The following ACOT7 variants were observed in gnomAD, a reference collection of about 807,000 sequenced individuals.
ACOT7 encodes cytosolic acyl coenzyme A thioester hydrolase.
A neutral mutation model predicts 40.2 loss-of-function variants in ACOT7; 12 were observed. The ratio of observed to expected loss-of-function variants is 0.30; its 90% CI spans 0.19 to 0.48. The LOEUF (loss-of-function observed/expected upper bound fraction) is 0.48. Among genes scored for constraint, ACOT7 ranks in the 20% least tolerant of loss-of-function variants. The pLI is 0.99. For synonymous variants in ACOT7, 228 were observed against 219.5 expected (o/e 1.04, Z -0.34); for missense variants, 395 against 530.8 (o/e 0.74, Z 2.51).
intron 1 of ACOT7, among the ~76,000 whole-genome samples, chr1:6,392,817 A>G (rs1642554365): frequency 6.6e-6 from 1 of 152,100 alleles, no homozygotes; most frequent in Non-Finnish European, 1.5e-5. Flanking sequence ...TTAGCGCAGC[A>G]CAACCGCCGA....
At chr1:6,369,020 T>C (rs1313950417) in intron 1 of ACOT7, among the ~76,000 whole-genome samples, 3 of 152,202 alleles carry the variant, frequency 2.0e-5, no homozygotes, top group African/African-American at 7.2e-5. Flanking sequence ...TTTGCTCTGT[T>C]GCCCAGGCTG....
At chr1:6,322,466 G>A (rs550094922) in intron 5 of ACOT7, among the ~76,000 whole-genome samples, 47 of 152,346 alleles carry the variant, frequency 3.1e-4, no homozygotes, top group Non-Finnish European at 5.1e-4. Context: ...TGCTGGGGCC[G>A]CTGTAACAAG....
intron 5 of ACOT7, among the ~76,000 whole-genome samples, chr1:6,320,444 T>A (rs1640613174): frequency 6.6e-6 from 1 of 152,130 alleles, no homozygotes; most frequent in Admixed American, 6.5e-5. Context: ...AAAGTCCAAA[T>A]CAGGCTTTCC....
At chr1:6,268,377 C>T (rs1406077805) in intron 8 of ACOT7, among the ~76,000 whole-genome samples, 2 of 152,182 alleles carry the variant, frequency 1.3e-5, no homozygotes, top group East Asian at 1.9e-4. Context: ...TTTACTTTTG[C>T]GTATATTTGA....
intron 4 of ACOT7, among the ~76,000 whole-genome samples, chr1:6,331,359 C>T (rs546371028): frequency 7.2e-5 from 11 of 152,202 alleles, no homozygotes; most frequent in Non-Finnish European, 1.2e-4. Context: ...GCAGGCCGTG[C>T]GAAGATGGAG....
intron 1 of ACOT7, among the ~76,000 whole-genome samples, chr1:6,365,873 G>A (rs562638976): frequency 1.3e-5 from 2 of 151,914 alleles, no homozygotes; most frequent in East Asian, 3.9e-4. Flanking sequence ...GTTGATGGCT[G>A]CAGACTGATT....
At chr1:6,285,349 C>CAA (rs1639472777) in intron 7 of ACOT7, among the ~76,000 whole-genome samples, 1 of 152,238 alleles carries the variant, frequency 6.6e-6, no homozygotes, top group Non-Finnish European at 1.5e-5. Flanking sequence ...TACTTCCTTC[C>CAA]AGTCTCAACT....
At chr1:6,353,087 C>A (rs1205441505) in intron 1 of ACOT7, among the ~76,000 whole-genome samples, 1 of 152,034 alleles carries the variant, frequency 6.6e-6, no homozygotes, top group Non-Finnish European at 1.5e-5. Flanking sequence ...CCATGTTGCC[C>A]AGGCTGTCTC....
At position 6,269,029 on chromosome 1, in the gene ACOT7, C is replaced by T. The variant is rs138754438; in HGVS notation, c.1015-4334G>A. 9.5e-3 allele frequency among the ~76,000 whole-genome samples: 1,441 copies of T among 152,322 alleles called. 12 individuals are homozygous for T. Among genetic ancestry groups the T allele is most frequent in the Non-Finnish European group, 0.014 (981 of 68,024 alleles). ...TACAGCGATAAGGGGATATTCCCTGCGCAACCCATGCTTAGGGCGCGGCAG... is the reference window on the plus strand; with the variant it reads ...TACAGCGATAAGGGGATATTCCCTGTGCAACCCATGCTTAGGGCGCGGCAG... On this transcript the variant is annotated intron_variant, in intron 8 of 8. Coordinates refer to ENST00000361521, the MANE Select transcript of ACOT7 (RefSeq NM_007274.4).
chr1:6,269,354 G>A (rs188459493), intron 8 of ACOT7, among the ~76,000 whole-genome samples: 1 of 152,330 alleles, frequency 6.6e-6, no homozygotes, highest in East Asian at 1.9e-4. Context: ...CCTCACCCCG[G>A]CCCTCGGCAC....
intron 2 of ACOT7, among the ~76,000 whole-genome samples, chr1:6,345,624 G>A (rs1557661044): frequency 6.6e-6 from 1 of 152,220 alleles, no homozygotes; most frequent in Admixed American, 6.5e-5. Flanking sequence ...TCAAGTGCGT[G>A]GACCATGCCC....
chr1:6,308,541 A>C (rs1640235620), intron 6 of ACOT7, among the ~76,000 whole-genome samples: 1 of 151,796 alleles, frequency 6.6e-6, no homozygotes, highest in Non-Finnish European at 1.5e-5. Flanking sequence ...AACAGGCAGA[A>C]GGAACAGCCA....
intron 1 of ACOT7, among the ~76,000 whole-genome samples, chr1:6,375,753 G>C (rs1415512501): frequency 2.0e-5 from 3 of 150,250 alleles, no homozygotes; most frequent in Non-Finnish European, 4.4e-5. Flanking sequence ...TGGTTAACAC[G>C]GTGAAACCCC....
rs536183442 is a variant in ACOT7, at chr1:6,352,002, G to T, written c.144-2136C>A. ...CTGTGCCATCAGGAGTACATGCCAGGAACTGCAGACCGCACGCCAGCTGGC... is the reference window on the plus strand; with the variant it reads ...CTGTGCCATCAGGAGTACATGCCAGTAACTGCAGACCGCACGCCAGCTGGC... On this transcript the variant is annotated intron_variant, in intron 1 of 8. Transcript: ENST00000361521. This position sits in a 1 kb window ranked among gnomAD's most constrained non-coding sequence, Gnocchi z 4.5. 6.6e-6 allele frequency among the ~76,000 whole-genome samples: 1 copy of T among 152,306 alleles called. No individual in the cohort carries two copies. The highest frequency in any genetic ancestry group is 2.1e-4 in the South Asian group (1 of 4,832).
intron 1 of ACOT7, among the ~76,000 whole-genome samples, chr1:6,385,018 T>A (rs1394142600): frequency 6.6e-6 from 1 of 152,020 alleles, no homozygotes; most frequent in Admixed American, 6.5e-5. Context: ...AAATAAAGTA[T>A]GCAAAAGCCA....
At chr1:6,313,750 G>A (rs1002314737) in intron 6 of ACOT7, among the ~76,000 whole-genome samples, 8 of 152,126 alleles carry the variant, frequency 5.3e-5, no homozygotes, top group Non-Finnish European at 1.2e-4. Context: ...CAGAAGCCTG[G>A]GTCCCCAGCA....
intron 6 of ACOT7, among the ~76,000 whole-genome samples, chr1:6,317,731 T>TTC (rs1553158260): frequency 2.0e-5 from 3 of 150,232 alleles, no homozygotes; most frequent in African/African-American, 7.3e-5. Context: ...AGTCTTTCTT[T>TTC]TTTTTTTTTT....
At chr1:6,265,582 G>A (rs189123939) in intron 8 of ACOT7, among the ~76,000 whole-genome samples, 5 of 149,240 alleles carry the variant, frequency 3.4e-5, no homozygotes, top group East Asian at 3.9e-4. Context: ...GCCTGTCGAC[G>A]GGCTGCGATT....
chr1:6,278,862 G>A lies in ACOT7; in HGVS notation c.1014+2240C>T, dbSNP rs544601148. On this transcript the variant is annotated intron_variant, in intron 8 of 8. Transcript: ENST00000361521. The surrounding 1 kb of genome is among the most constrained non-coding windows in gnomAD (Gnocchi z 4.1). ...GTCAGCTGTGCTACAGACAGGGAGC[G>A]GACAGCAGACAGGGCGTGTCCTTGC... 2.6e-5 allele frequency among the ~76,000 whole-genome samples: 4 copies of A among 152,292 alleles called. No individual in the cohort carries two copies. The highest frequency in any genetic ancestry group is 4.1e-4 in the South Asian group (2 of 4,820).
Sources: allele counts gnomAD v4.1 joint callset (sites outside exome capture counted in the v4.1 genomes callset), GRCh38; gene constraint gnomAD v4.1.1; non-coding constraint Gnocchi (gnomAD v3.1); transcripts MANE v1.5; gene names NCBI Gene and HGNC (gene_info 2026-07-23, HGNC 2026-07-21).